ITPRID1: variants seen among roughly 807,000 people sequenced by gnomAD.
The protein encoded by ITPRID1 is protein ITPRID1.
In ITPRID1, 96 loss-of-function variants were observed where a neutral mutation model predicts 95.4. That is an observed-to-expected ratio of 1.01 (90% CI 0.85 to 1.19). The LOEUF is 1.19. ITPRID1 is among the 50% of genes most tolerant of loss of function. ITPRID1 has a pLI of 0.00. For synonymous variants in ITPRID1, 510 were observed against 453.6 expected (o/e 1.12, Z -1.58); for missense variants, 1,339 against 1,252.9 (o/e 1.07, Z -1.04).
chr7:31,657,672 T>C (rs1449581403), downstream of ITPRID1, among the ~76,000 whole-genome samples: 1 of 152,176 alleles, frequency 6.6e-6, no homozygotes, highest in Non-Finnish European at 1.5e-5. Context: ...CCCAAGATCC[T>C]GTATTCCTTT....
At chr7:31,631,337 CATT>C (rs1417934329) in intron 10 of ITPRID1, among the ~76,000 whole-genome samples, 2 of 152,086 alleles carry the variant, frequency 1.3e-5, no homozygotes, top group Non-Finnish European at 2.9e-5. Flanking sequence ...GAAAAATTCA[CATT>C]ATATGAAAAA....
chr7:31,585,518 G>T (rs1785560113), intron 10 of ITPRID1, among the ~76,000 whole-genome samples: 2 of 152,184 alleles, frequency 1.3e-5, no homozygotes, highest in Non-Finnish European at 2.9e-5. Flanking sequence ...AAGAGGAGGA[G>T]AAGTCTATCA....
intron 7 of ITPRID1, among the ~76,000 whole-genome samples, chr7:31,574,305 A>G (rs931899005): frequency 1.3e-5 from 2 of 152,010 alleles, no homozygotes; most frequent in African/African-American, 4.8e-5. Context: ...GTGGAATGGG[A>G]AGCCAGTTAA....
intron 1 of ITPRID1, among the ~76,000 whole-genome samples, chr7:31,535,540 TGAAG>T (rs1783731257): frequency 6.6e-6 from 1 of 152,020 alleles, no homozygotes. Context: ...GAAATAACTT[TGAAG>T]GTTTTTTAAA....
intron 12 of ITPRID1, among the ~76,000 whole-genome samples, chr7:31,650,711 C>T (rs1790869961): frequency 6.6e-6 from 1 of 152,154 alleles, no homozygotes. Context: ...CAAACACATA[C>T]CAGCTGAACA....
At chr7:31,539,972 C>T (rs1167145485) in intron 1 of ITPRID1, among the ~76,000 whole-genome samples, 5 of 152,076 alleles carry the variant, frequency 3.3e-5, no homozygotes, top group South Asian at 2.1e-4. Context: ...TGACCTTAGC[C>T]ATTAGGCTGA....
chr7:31,532,136 A>G (rs1234188799), intron 1 of ITPRID1, among the ~76,000 whole-genome samples: 1 of 152,146 alleles, frequency 6.6e-6, no homozygotes, highest in Non-Finnish European at 1.5e-5. Context: ...ATACAATTTT[A>G]TAACATGTTT....
intron 10 of ITPRID1, among the ~76,000 whole-genome samples, chr7:31,625,361 T>C (rs1441963047): frequency 6.6e-6 from 1 of 151,844 alleles, no homozygotes; most frequent in Non-Finnish European, 1.5e-5. Context: ...AGCAAAGACT[T>C]GGAACCAACC....
intron 10 of ITPRID1, among the ~76,000 whole-genome samples, chr7:31,589,610 T>C: frequency 6.6e-6 from 1 of 152,046 alleles, no homozygotes; most frequent in East Asian, 1.9e-4. Flanking sequence ...AAAAATGACA[T>C]ATTGAATACA....
intron 2 of ITPRID1, among the ~76,000 whole-genome samples, 167 bp from the exon 3 acceptor site, chr7:31,552,835 T>G (rs1315730685): frequency 6.6e-6 from 1 of 152,122 alleles, no homozygotes; most frequent in African/African-American, 2.4e-5. Context: ...TTCACCAAAC[T>G]GAGACAGGGA....
chr7:31,578,252 C>T lies in ITPRID1; in HGVS notation c.988C>T (p.His330Tyr). 1 of 1,613,888 alleles carries T rather than the reference C, an allele frequency of 6.2e-7. No homozygotes were observed. The highest frequency in any genetic ancestry group is 8.5e-7 in the Non-Finnish European group (1 of 1,179,824). The change falls in exon 9 of 15, where the codon CAT becomes TAT. Residue 330 changes from histidine (H) to tyrosine (Y), a missense_variant. By Grantham distance (83) the His-to-Tyr change is moderately conservative (BLOSUM62 2). Coordinates refer to ENST00000615280, the MANE Select transcript of ITPRID1 (RefSeq NM_001257967.3). Reference sequence around the variant, plus strand: ...TGATGATTTGCTACCTTATCCTCCTCATGGTCTTCTGAGCAAGCAGTGGCC... The same window carrying T: ...TGATGATTTGCTACCTTATCCTCCTTATGGTCTTCTGAGCAAGCAGTGGCC... ...ACDDLLPYPP[H>Y]GLLSKQWPCS... is the part of the protein sequence containing the mutation.
intron 14 of ITPRID1, 54 bp downstream of exon 14, chr7:31,652,104 T>TGC: frequency 8.1e-7 from 1 of 1,230,472 alleles, no homozygotes; most frequent in Non-Finnish European, 1.2e-6. Context: ...ACAGGAGAGG[T>TGC]GCATTAAATG....
At chr7:31,599,077 ATCT>A (rs1786230685) in intron 10 of ITPRID1, among the ~76,000 whole-genome samples, 1 of 152,236 alleles carries the variant, frequency 6.6e-6, no homozygotes, top group Non-Finnish European at 1.5e-5. Context: ...TCCTAAAGAA[ATCT>A]TCACATATAT....
At chr7:31,644,293 GTT>G (rs1790280132) in intron 12 of ITPRID1, among the ~76,000 whole-genome samples, 1 of 70,340 alleles carries the variant, frequency 1.4e-5, no homozygotes, top group African/African-American at 3.8e-5. Context: ...TAGCTGAGAA[GTT>G]CTGTGTCTTA....
At chr7:31,650,625 C>T (rs1456553591) in intron 12 of ITPRID1, among the ~76,000 whole-genome samples, 1 of 152,162 alleles carries the variant, frequency 6.6e-6, no homozygotes, top group African/African-American at 2.4e-5. Context: ...GCTGATCCTG[C>T]AGATTCCAAC....
intron 10 of ITPRID1, among the ~76,000 whole-genome samples, chr7:31,631,433 TAGAA>T (rs1788986989): frequency 6.6e-6 from 1 of 152,216 alleles, no homozygotes; most frequent in African/African-American, 2.4e-5. Flanking sequence ...CCTAAATACA[TAGAA>T]AGATTTTAGT....
intron 10 of ITPRID1, among the ~76,000 whole-genome samples, chr7:31,624,995 T>G (rs1390894302): frequency 6.6e-6 from 1 of 152,170 alleles, no homozygotes; most frequent in Non-Finnish European, 1.5e-5. Context: ...AAGAAGACAT[T>G]TATGCAGTCA....
chr7:31,630,931 TAGGATG>T (rs1788935184), intron 10 of ITPRID1, among the ~76,000 whole-genome samples: 1 of 152,026 alleles, frequency 6.6e-6, no homozygotes, highest in African/African-American at 2.4e-5. Context: ...AGACCAAAGC[TAGGATG>T]AGAGGTAGAA....
intron 10 of ITPRID1, among the ~76,000 whole-genome samples, chr7:31,618,119 C>T (rs1031298705): frequency 1.3e-5 from 2 of 152,152 alleles, no homozygotes; most frequent in Non-Finnish European, 2.9e-5. Context: ...TCTTGGTGCC[C>T]ATCATTGTGA....
Sources: allele counts gnomAD v4.1 joint callset (sites outside exome capture counted in the v4.1 genomes callset), GRCh38; gene constraint gnomAD v4.1.1; transcripts MANE v1.5; gene names NCBI Gene and HGNC (gene_info 2026-07-23, HGNC 2026-07-21).